Variants in WASHC5 observed in about 807,000 individuals in gnomAD.
WASHC5 encodes the protein WASH complex subunit strumpellin.
In WASHC5, 101 loss-of-function variants were observed where a neutral mutation model predicts 150.4. The observed-to-expected ratio is 0.67, with a 90% CI of 0.57 to 0.79. WASHC5 has a LOEUF of 0.79. Ranked by LOEUF, WASHC5 falls within the 30% of genes least tolerant of loss-of-function variation. The pLI, the probability that WASHC5 is intolerant of heterozygous loss-of-function variation, is 0.00. For synonymous variants in WASHC5, 467 were observed against 491.2 expected, an observed-to-expected ratio of 0.95 and a Z score of 0.65; for missense variants, 1,195 against 1,396.3, an observed-to-expected ratio of 0.86 and a Z score of 2.30.
intron 10 of WASHC5, among the ~76,000 whole-genome samples, chr8:125,066,391 G>A (rs925107771): frequency 6.6e-6 from 1 of 152,138 alleles, no homozygotes; most frequent in South Asian, 2.1e-4. Flanking sequence ...GATCTGTTCC[G>A]AATGGGTATA....
chr8:125,048,083 A>G (rs1179914183), intron 19 of WASHC5, among the ~76,000 whole-genome samples: 1 of 152,256 alleles, frequency 6.6e-6, no homozygotes, highest in African/African-American at 2.4e-5. Context: ...CACATATAAC[A>G]TTTATAAAAA....
chr8:125,032,096 G>A, intron 27 of WASHC5, 145 bp downstream of exon 27: 1 of 909,834 alleles, frequency 1.1e-6, no homozygotes, highest in Non-Finnish European at 1.8e-6. Context: ...TCTAAACAAG[G>A]AGGTATGCCC....
chr8:125,055,161 T>C (rs10092363), intron 17 of WASHC5, among the ~76,000 whole-genome samples: 21,238 of 152,170 alleles, frequency 0.14, 3,742 homozygotes, highest in African/African-American at 0.41. Flanking sequence ...CCGTGGCTCA[T>C]GCCTATAATC....
At chr8:125,043,014 G>C (rs1815941727) in intron 23 of WASHC5, among the ~76,000 whole-genome samples, 1 of 152,206 alleles carries the variant, frequency 6.6e-6, no homozygotes, top group Non-Finnish European at 1.5e-5. Context: ...TAGAATTCTA[G>C]ACTTTTCTAC....
chr8:125,044,428 TA>T, intron 21 of WASHC5, 107 bp downstream of exon 21: 1 of 1,223,974 alleles, frequency 8.2e-7, no homozygotes, highest in Non-Finnish European at 1.2e-6. Context: ...AAAGTCAGTG[TA>T]AGAAATCATG....
Position 125,062,715 on chromosome 8 carries a change from AT to A in WASHC5, c.1408+806del, listed in dbSNP as rs1159333783. On this transcript the variant is annotated intron_variant, in intron 11 of 28. Transcript: ENST00000318410. ...ATACAGTAATCACAAGCTCATACTG[AT>A]TAAAAATAATAGTTTTTAAACAAGA... is the stretch of plus-strand genomic sequence containing the variant. Among the ~76,000 whole-genome samples the A allele has an allele frequency of 2.0e-5, 3 of 152,226 alleles. No individual in the cohort carries two copies. The East Asian group carries it at 5.8e-4, about 29-fold the overall frequency.
At chr8:125,051,908 C>T (rs1332616118) in intron 17 of WASHC5, among the ~76,000 whole-genome samples, 1 of 152,088 alleles carries the variant, frequency 6.6e-6, no homozygotes, top group Non-Finnish European at 1.5e-5. Flanking sequence ...AAAGACATAA[C>T]ATAGTTTTTC....
intron 20 of WASHC5, 174 bp from the exon 21 acceptor site, chr8:125,044,872 A>G: frequency 1.4e-6 from 1 of 698,958 alleles, no homozygotes; most frequent in Non-Finnish European, 2.6e-6. Context: ...CACCCAATGG[A>G]ACAGGAAGGT....
rs781148758 is a variant in WASHC5 at position 125,032,269 on chromosome 8, T to C, written c.3307A>G (p.Ile1103Val). 3.7e-6 allele frequency: 6 copies of C among 1,614,040 alleles called. No individual in the cohort carries two copies. In the African/African-American group the frequency reaches 6.7e-5, roughly 18 times the overall value. The change falls in exon 27 of 29, where the codon ATC becomes GTC. Residue 1103 changes from isoleucine to valine, a missense_variant. By Grantham distance (29) the Ile-to-Val change is conservative. Around this residue, in one of 3 missense-constraint regions of WASHC5, gnomAD observed 997 missense variants for 1,168.1 expected, o/e 0.85. Coordinates refer to ENST00000318410, the MANE Select transcript of WASHC5 (RefSeq NM_014846.4). Reference protein sequence around the residue: ...EQFLALIGQFICSTVEQCTSQ... With the variant: ...EQFLALIGQFVCSTVEQCTSQ... ...GTACACTGCTCCACCGTGGAGCAGA[T>C]AAACTGGCCAATCAGCGCCAGGAAC...
In WASHC5 at chr8:125,077,772, AG is replaced by A. The variant is rs374795541; in HGVS notation, c.711+965del. ...CCATCTACTTTACAGGGCTATTGTG[AG>A]GAACAGAGAAAATGGTATGGGAACA... On this transcript the variant is annotated intron_variant, in intron 6 of 28. Coordinates refer to ENST00000318410, the MANE Select transcript of WASHC5 (RefSeq NM_014846.4). Among the ~76,000 whole-genome samples the A allele has an allele frequency of 3.5e-3, 538 of 152,308 alleles. 4 individuals carry two copies. Among genetic ancestry groups the A allele is most frequent in the African/African-American group, 0.012 (492 of 41,554 alleles).
chr8:125,082,160 G>A lies in WASHC5; in HGVS notation c.417+223C>T, dbSNP rs183517256. ...GTAAAGAAGACAGAATTCTTACACC[G>A]AGGAGGCTCATAACTTCCACATAAC... On this transcript the variant is annotated intron_variant, in intron 4 of 28. Coordinates refer to ENST00000318410, the MANE Select transcript of WASHC5 (RefSeq NM_014846.4). Among the ~76,000 whole-genome samples, 300 of 152,310 alleles carry A rather than the reference G, an allele frequency of 2.0e-3. 2 individuals are homozygous for A. Among genetic ancestry groups the A allele is most frequent in the Non-Finnish European group, 3.3e-3 (222 of 68,028 alleles).
At chr8:125,082,064 C>T (rs1418843778) in intron 4 of WASHC5, among the ~76,000 whole-genome samples, 1 of 152,212 alleles carries the variant, frequency 6.6e-6, no homozygotes, top group African/African-American at 2.4e-5. Context: ...AAATCATTCA[C>T]TTATTCAATC....
intron 1 of WASHC5, among the ~76,000 whole-genome samples, chr8:125,089,177 C>T (rs1817517747): frequency 6.6e-6 from 1 of 152,132 alleles, no homozygotes; most frequent in East Asian, 1.9e-4. Flanking sequence ...TATGGTCTGG[C>T]TTGGGAAAGC....
At chr8:125,067,173 C>T (rs1456059182) in intron 10 of WASHC5, among the ~76,000 whole-genome samples, 1 of 152,148 alleles carries the variant, frequency 6.6e-6, no homozygotes, top group East Asian at 1.9e-4. Flanking sequence ...TGCCACCATG[C>T]CCAGCTAATT....
chr8:125,034,284 G>A (rs1428740751), intron 26 of WASHC5, among the ~76,000 whole-genome samples: 1 of 152,254 alleles, frequency 6.6e-6, no homozygotes, highest in East Asian at 1.9e-4. Flanking sequence ...TGGAACACTT[G>A]AGGTCAGGAG....
At chr8:125,057,712 C>T (rs942324091) in intron 14 of WASHC5, 46 bp from the exon 15 acceptor site, 2 of 1,215,142 alleles carry the variant, frequency 1.6e-6, no homozygotes, top group Non-Finnish European at 2.4e-6. Flanking sequence ...CAAAAAGAGT[C>T]CTAGAAATCT....
At chr8:125,087,981 G>C (rs1370777662) in intron 1 of WASHC5, among the ~76,000 whole-genome samples, 1 of 152,148 alleles carries the variant, frequency 6.6e-6, no homozygotes, top group Non-Finnish European at 1.5e-5. Flanking sequence ...AGTTTCCATA[G>C]AGCACCTCGG....
rs755214191 is a variant in WASHC5 at position 125,044,589 on chromosome 8, C to G, written c.2614G>C (p.Gly872Arg). 2.5e-6 allele frequency: 4 copies of G among 1,614,076 alleles called. No individual in the cohort carries two copies. Among genetic ancestry groups the G allele is most frequent in the Non-Finnish European group, 3.4e-6 (4 of 1,179,978 alleles). ...AGAAGCCTGTCTAAGCCATTTAGAC[C>G]AAAGGTTCCCAAGGTGGTCTGGATT... ...SEIQTTLGTF[G>R]LNGLDRLLCF... The change falls in exon 21 of 29, where the codon GGT (glycine) becomes CGT (arginine). Residue 872 changes from glycine to arginine, a missense_variant. By Grantham distance (125) the Gly-to-Arg change is moderately radical (BLOSUM62 -2). Transcript: ENST00000318410.
intron 6 of WASHC5, 140 bp downstream of exon 6, chr8:125,078,598 G>A (rs1370331022): frequency 2.9e-6 from 2 of 683,110 alleles, no homozygotes; most frequent in Admixed American, 2.3e-5. Flanking sequence ...TATCATCCTG[G>A]GGTGTAGCTC....
Sources: allele counts gnomAD v4.1 joint callset (sites outside exome capture counted in the v4.1 genomes callset), GRCh38; gene constraint gnomAD v4.1.1; regional missense constraint gnomAD v4.1.1; transcripts MANE v1.5; gene names NCBI Gene and HGNC (gene_info 2026-07-23, HGNC 2026-07-21).